Variants in LCN10 observed in about 807,000 individuals in gnomAD.
The protein encoded by LCN10 is epididymal-specific lipocalin-10.
LCN10 carries 18 observed loss-of-function variants against 25.1 expected under a neutral mutation model. The observed-to-expected ratio is 0.72, with a 90% CI of 0.50 to 1.06. The LOEUF is 1.06. Among genes scored for constraint, LCN10 ranks in the 50% least tolerant of loss-of-function variants. The probability of loss-of-function intolerance (pLI) is 0.00; values close to 1 mark genes in which losing one functional copy is unlikely to be tolerated. For missense variants in LCN10, 257 were observed against 258.9 expected (o/e 0.99, Z 0.05); for synonymous variants, 130 against 116.7 (o/e 1.11, Z -0.73).
chr9:136,738,717 C>G lies in LCN10; in HGVS notation c.*808G>C, dbSNP rs969155081. The G allele has an allele frequency of 1.4e-4, 21 of 152,384 alleles. No homozygotes were observed. The East Asian group carries it at 3.9e-3, about 28-fold the overall frequency. 9.4% of individuals were successfully genotyped at this position (152,384 alleles called of 1,614,324 possible). A position where few individuals can be genotyped will look rare whatever the true frequency, so the allele number is the denominator to read the frequency against. ...TGGCGTCCCCAATCTCCTTGAGAAA[C>G]CATTTTCTCTACTCTGATGTCTTTT... is the stretch of plus-strand genomic sequence containing the variant. On this transcript the variant is annotated 3_prime_UTR_variant, in exon 6 of 6. Coordinates refer to ENST00000497771, the MANE Select transcript of LCN10 (RefSeq NM_001001712.3).
In LCN10 at chr9:136,739,480, T is replaced by G. The variant is rs1846886680; in HGVS notation, c.*45A>C. The G allele has an allele frequency of 2.5e-6, 4 of 1,573,510 alleles. No individual in the cohort carries two copies. In the African/African-American group the frequency reaches 4.0e-5, roughly 16 times the overall value. On this transcript the variant is annotated 3_prime_UTR_variant, in exon 6 of 6. Transcript: ENST00000497771. The surrounding 1 kb of genome is among the most constrained non-coding windows in gnomAD (Gnocchi z 6.1). ...CATCTGGAACAACGCTCCTCGGGTC[T>G]GGGAGGACCACGCGTCGAAAGGGAA...
intron 1 of LCN10, 77 bp from the exon 2 acceptor site, chr9:136,742,097 A>G (rs1846950001): frequency 6.4e-7 from 1 of 1,560,982 alleles, no homozygotes; most frequent in African/African-American, 1.4e-5. Flanking sequence ...CCAGCTAGAG[A>G]ACCCAGGAGA....
rs2131066796 is a variant in LCN10, at chr9:136,739,380, G to A, written c.*145C>T. 2.5e-6 allele frequency: 2 copies of A among 807,850 alleles called. No homozygotes were observed. The highest frequency in any genetic ancestry group is 5.5e-5 in the East Asian group (2 of 36,638). The allele number at this position is 807,850 out of a possible 1,614,324, so 50.0% of individuals were successfully genotyped here. ...TTTCTGTGATCATAAAGGATCCCTT[G>A]AGCCACTTGATTTTCACACTGTCAA... On this transcript the variant is annotated 3_prime_UTR_variant, in exon 6 of 6. Transcript: ENST00000497771. The surrounding 1 kb of genome is among the most constrained non-coding windows in gnomAD (Gnocchi z 6.1).
In LCN10 at chr9:136,739,604, C is replaced by A; in HGVS notation, c.575-51G>T. The A allele has an allele frequency of 6.4e-7, 1 of 1,559,918 alleles. No individual in the cohort carries two copies. The highest frequency in any genetic ancestry group is 1.2e-5 in the South Asian group (1 of 85,244). On this transcript the variant is annotated intron_variant, in intron 5 of 5. Transcript: ENST00000497771. This position sits in a 1 kb window ranked among gnomAD's most constrained non-coding sequence, Gnocchi z 6.1. ...GTGGGCTGGCTGCTTGGAGGAGACA[C>A]ATGAGCCGTGAACACGTCTCCCCCG...
Position 136,739,479 on chromosome 9 carries a change from C to G in LCN10, c.*46G>C, listed in dbSNP as rs1346029108. On this transcript the variant is annotated 3_prime_UTR_variant, in exon 6 of 6. Coordinates refer to ENST00000497771, the MANE Select transcript of LCN10 (RefSeq NM_001001712.3). The surrounding 1 kb of genome is among the most constrained non-coding windows in gnomAD (Gnocchi z 6.1). ...ACATCTGGAACAACGCTCCTCGGGT[C>G]TGGGAGGACCACGCGTCGAAAGGGA... The G allele has an allele frequency of 6.4e-7, 1 of 1,571,938 alleles. No homozygotes were observed. The highest frequency in any genetic ancestry group is 1.2e-5 in the South Asian group (1 of 85,338).
chr9:136,739,443 G>C lies in LCN10; in HGVS notation c.*82C>G. On this transcript the variant is annotated 3_prime_UTR_variant, in exon 6 of 6. Coordinates refer to ENST00000497771, the MANE Select transcript of LCN10 (RefSeq NM_001001712.3). This position sits in a 1 kb window ranked among gnomAD's most constrained non-coding sequence, Gnocchi z 6.1. ...ACCAAACACCTCTCAACAAGCCGTG[G>C]TCTCCACTTGACATCTGGAACAACG... 6.9e-7 allele frequency: 1 copy of C among 1,448,378 alleles called. No homozygotes were observed. Among genetic ancestry groups the C allele is most frequent in the South Asian group, 1.2e-5 (1 of 82,010 alleles). 89.7% of individuals were successfully genotyped at this position (1,448,378 alleles called of 1,614,324 possible). A position where few individuals can be genotyped will look rare whatever the true frequency, so the allele number is the denominator to read the frequency against.
Position 136,741,271 on chromosome 9 carries a change from CG to C in LCN10, c.347del (p.Pro116ArgfsTer8), listed in dbSNP as rs773419027. On this transcript the variant is annotated frameshift_variant, in exon 3 of 6. Coordinates refer to ENST00000497771, the MANE Select transcript of LCN10 (RefSeq NM_001001712.3). LOFTEE classifies it high-confidence loss of function. Reference protein sequence around the residue: ...FGNACAYAAGPREGQEGVKGV... With the variant: ...FGNACAYAAGXREGQEGVKGV... ...GCACACCTCCCTCCTGTCCTTCCCT[CG>C]GGCCCGCCGCGTATGCACAGGCGTT... 3 of 1,613,508 alleles carry C rather than the reference CG, an allele frequency of 1.9e-6. No individual in the cohort carries two copies. Among genetic ancestry groups the C allele is most frequent in the East Asian group, 4.5e-5 (2 of 44,882 alleles).
intron 2 of LCN10, 172 bp downstream of exon 2, chr9:136,741,709 G>C (rs1471987962): frequency 8.7e-6 from 8 of 914,976 alleles, no homozygotes; most frequent in African/African-American, 1.7e-5. Flanking sequence ...CCACCCATGT[G>C]GGGTCCCAGG....
Position 136,740,219 on chromosome 9 carries a change from A to T in LCN10, c.476-171T>A, listed in dbSNP as rs1006819441. The stretch of plus-strand genomic sequence containing the variant: ...GCCGCTGGGCCCCTCCCCACTTACG[A>T]GGCAGCCAGGCTCGGGAAGCCAGGG... On this transcript the variant is annotated intron_variant, in intron 4 of 5. Coordinates refer to ENST00000497771, the MANE Select transcript of LCN10 (RefSeq NM_001001712.3). This position sits in a 1 kb window ranked among gnomAD's most constrained non-coding sequence, Gnocchi z 5.3. The T allele has an allele frequency of 5.3e-5, 33 of 623,100 alleles. No homozygotes were observed. In the South Asian group the frequency reaches 5.7e-4, roughly 11 times the overall value. 38.6% of individuals were successfully genotyped at this position (623,100 alleles called of 1,614,324 possible).
Position 136,740,145 on chromosome 9 carries a change from G to A in LCN10, c.476-97C>T, listed in dbSNP as rs562275856. On this transcript the variant is annotated intron_variant, in intron 4 of 5. Coordinates refer to ENST00000497771, the MANE Select transcript of LCN10 (RefSeq NM_001001712.3). The surrounding 1 kb of genome is among the most constrained non-coding windows in gnomAD (Gnocchi z 5.3). ...TCCCTACCCCAGGAGCTGCTGAAAT[G>A]TCCTCAGAGCTTAGGCGTGAAGCAG... 312 of 853,214 alleles carry A rather than the reference G, an allele frequency of 3.7e-4. 1 individual carries two copies. In the African/African-American group the frequency reaches 4.2e-3, roughly 11 times the overall value. The allele number at this position is 853,214 out of a possible 1,614,324, so 52.9% of individuals were successfully genotyped here.
chr9:136,740,530 A>C lies in LCN10; in HGVS notation c.475+306T>G. 4.3e-6 allele frequency: 2 copies of C among 468,808 alleles called. No individual in the cohort carries two copies. The highest frequency in any genetic ancestry group is 7.7e-6 in the Non-Finnish European group (2 of 260,268). The allele number at this position is 468,808 out of a possible 1,614,324, so 29.0% of individuals were successfully genotyped here. A position where few individuals can be genotyped will look rare whatever the true frequency, so the allele number is the denominator to read the frequency against. ...CCTGGGACCCCTCCCACGCCTCCTC[A>C]TCCCCACTGTGTCCCTCACCCAGAA... On this transcript the variant is annotated intron_variant, in intron 4 of 5. Coordinates refer to ENST00000497771, the MANE Select transcript of LCN10 (RefSeq NM_001001712.3). This position sits in a 1 kb window ranked among gnomAD's most constrained non-coding sequence, Gnocchi z 5.3.
chr9:136,741,183 C>G (rs1846924903), intron 3 of LCN10, 69 bp downstream of exon 3: 6 of 1,369,396 alleles, frequency 4.4e-6, no homozygotes, highest in Non-Finnish European at 6.2e-6. Context: ...GGACAAGGGG[C>G]CTGCTCAAGG....
chr9:136,742,755 C>T (rs771771769), intron 1 of LCN10, 32 bp downstream of exon 1: 9 of 1,610,434 alleles, frequency 5.6e-6, no homozygotes, highest in Non-Finnish European at 2.5e-6. Flanking sequence ...AGAGCCGGCG[C>T]CCGGCTCAGG....
In LCN10 at chr9:136,739,421, A is replaced by G; in HGVS notation, c.*104T>C. The stretch of plus-strand genomic sequence containing the variant: ...ACACTGTCAATGACCTAGAGTCACC[A>G]AACACCTCTCAACAAGCCGTGGTCT... On this transcript the variant is annotated 3_prime_UTR_variant, in exon 6 of 6. Transcript: ENST00000497771. The surrounding 1 kb of genome is among the most constrained non-coding windows in gnomAD (Gnocchi z 6.1). 7.9e-7 allele frequency: 1 copy of G among 1,263,272 alleles called. No individual in the cohort carries two copies. The highest frequency in any genetic ancestry group is 1.3e-5 in the South Asian group (1 of 77,800). The allele number at this position is 1,263,272 out of a possible 1,614,324, so 78.3% of individuals were successfully genotyped here. A position where few individuals can be genotyped will look rare whatever the true frequency, so the allele number is the denominator to read the frequency against.
chr9:136,741,464 G>T, intron 2 of LCN10, 103 bp from the exon 3 acceptor site: 4 of 951,912 alleles, frequency 4.2e-6, no homozygotes, highest in Non-Finnish European at 4.8e-6. Flanking sequence ...CCCTGCTCCC[G>T]TGGGACCCGG....
In LCN10 at chr9:136,740,626, C is replaced by T. The variant is rs1189177236; in HGVS notation, c.475+210G>A. ...TGGATGGCCCACCTTTCTCTGCAGC[C>T]TCTTCCTGACGTCCCCTATCCTTGC... On this transcript the variant is annotated intron_variant, in intron 4 of 5. Transcript: ENST00000497771. This position sits in a 1 kb window ranked among gnomAD's most constrained non-coding sequence, Gnocchi z 5.3. 1 of 565,512 alleles carries T rather than the reference C, an allele frequency of 1.8e-6. No homozygotes were observed. The highest frequency in any genetic ancestry group is 3.1e-6 in the Non-Finnish European group (1 of 318,110). 35.0% of individuals were successfully genotyped at this position (565,512 alleles called of 1,614,324 possible). A position where few individuals can be genotyped will look rare whatever the true frequency, so the allele number is the denominator to read the frequency against.
In LCN10 at chr9:136,740,987, T is replaced by C. The variant is rs1207895545; in HGVS notation, c.368-44A>G. 1 of 1,517,542 alleles carries C rather than the reference T, an allele frequency of 6.6e-7. No individual in the cohort carries two copies. The highest frequency in any genetic ancestry group is 9.1e-7 in the Non-Finnish European group (1 of 1,097,066). The allele number at this position is 1,517,542 out of a possible 1,614,324, so 94.0% of individuals were successfully genotyped here. A position where few individuals can be genotyped will look rare whatever the true frequency, so the allele number is the denominator to read the frequency against. On this transcript the variant is annotated intron_variant, in intron 3 of 5. Transcript: ENST00000497771. This position sits in a 1 kb window ranked among gnomAD's most constrained non-coding sequence, Gnocchi z 5.3. ...GATGCCCGCTGGTTCCCGGATGGCG[T>C]GGCTGTGCCCGCCCACAGCCCTGAC...
Position 136,740,203 on chromosome 9 carries a change from C to T in LCN10, c.476-155G>A. 1.5e-6 allele frequency: 1 copy of T among 645,630 alleles called. No individual in the cohort carries two copies. Among genetic ancestry groups the T allele is most frequent in the Non-Finnish European group, 2.8e-6 (1 of 354,652 alleles). The allele number at this position is 645,630 out of a possible 1,614,324, so 40.0% of individuals were successfully genotyped here. ...CCAGGGGAGGACAGCGGCCGCTGGG[C>T]CCCTCCCCACTTACGAGGCAGCCAG... is the stretch of plus-strand genomic sequence containing the variant. On this transcript the variant is annotated intron_variant, in intron 4 of 5. Transcript: ENST00000497771. This position sits in a 1 kb window ranked among gnomAD's most constrained non-coding sequence, Gnocchi z 5.3.
intron 2 of LCN10, 67 bp downstream of exon 2, chr9:136,741,814 C>A: frequency 6.6e-7 from 1 of 1,523,330 alleles, no homozygotes. Flanking sequence ...AGACTCCTTT[C>A]CAGCCCCGAG....
Sources: allele counts gnomAD v4.1 joint callset, GRCh38; gene constraint gnomAD v4.1.1; non-coding constraint Gnocchi (gnomAD v3.1); transcripts MANE v1.5; gene names NCBI Gene and HGNC (gene_info 2026-07-23, HGNC 2026-07-21).